Variants in COX8C observed in about 807,000 individuals in gnomAD.
COX8C encodes the protein cytochrome c oxidase subunit 8C, mitochondrial.
Under a neutral mutation model 3.5 loss-of-function variants are expected in COX8C, and 3 were observed. That is an observed-to-expected ratio of 0.86 (90% confidence interval 0.39 to 2.24). COX8C has a LOEUF of 2.24. COX8C is among the 30% of genes most tolerant of loss of function. COX8C has a pLI of 0.05. For synonymous variants in COX8C, 46 were observed against 44.1 expected (o/e 1.04, Z -0.17); for missense variants, 113 against 102.5 (o/e 1.10, Z -0.44).
At chr14:93,347,706 G>A (rs1385853513) in intron 1 of COX8C, among the ~76,000 whole-genome samples, 1 of 152,130 alleles carries the variant, frequency 6.6e-6, no homozygotes, top group Admixed American at 6.6e-5. Flanking sequence ...CTGTGGTTTC[G>A]CGGAGGAATG....
intron 1 of COX8C, among the ~76,000 whole-genome samples, chr14:93,347,679 C>G (rs191598734): frequency 2.0e-5 from 3 of 152,122 alleles, no homozygotes; most frequent in Middle Eastern, 3.4e-3. Flanking sequence ...TTACCGGCAC[C>G]TGGCTCGGGG....
In COX8C at chr14:93,347,264, G is replaced by C. The variant is rs751465395; in HGVS notation, c.-5G>C. On this transcript the variant is annotated 5_prime_UTR_variant, in exon 1 of 2. Transcript: ENST00000342144. The stretch of plus-strand genomic sequence containing the variant: ...CACGCCTGGCTTTGTCTCACCTGAC[G>C]CGATATGCCTCTCCTGCGTGGGCGC... The C allele has an allele frequency of 1.9e-6, 3 of 1,600,634 alleles. No homozygotes were observed. The highest frequency in any genetic ancestry group is 2.6e-6 in the Non-Finnish European group (3 of 1,173,858).
intron 1 of COX8C, 106 bp downstream of exon 1, chr14:93,347,500 G>A: frequency 7.8e-7 from 1 of 1,281,582 alleles, no homozygotes. Flanking sequence ...CCTCGCGTGG[G>A]AGGCTCTTGT....
At chr14:93,347,933 G>A in intron 1 of COX8C, 95 bp from the exon 2 acceptor site, 1 of 747,506 alleles carries the variant, frequency 1.3e-6, no homozygotes, top group Non-Finnish European at 2.4e-6. Context: ...AACGGTCTAG[G>A]TGCTCAAAAT....
chr14:93,348,193 A>G lies in COX8C; in HGVS notation c.*73A>G. The G allele has an allele frequency of 1.1e-6, 1 of 880,030 alleles. No homozygotes were observed. Among genetic ancestry groups the G allele is most frequent in the South Asian group, 1.4e-5 (1 of 73,406 alleles). The allele number at this position is 880,030 out of a possible 1,614,324, so 54.5% of individuals were successfully genotyped here. On this transcript the variant is annotated 3_prime_UTR_variant, in exon 2 of 2. Transcript: ENST00000342144. ...AAAAGCTGTGTTTTTGTTAACGAGC[A>G]AAATTGCCTAGTTGAGTTGATGCAA... is the stretch of plus-strand genomic sequence containing the variant.
In COX8C at chr14:93,348,203, A is replaced by G; in HGVS notation, c.*83A>G. On this transcript the variant is annotated 3_prime_UTR_variant, in exon 2 of 2. Coordinates refer to ENST00000342144, the MANE Select transcript of COX8C (RefSeq NM_182971.3). ...TTTTTGTTAACGAGCAAAATTGCCTAGTTGAGTTGATGCAACCATTGTGGT... is the reference window on the plus strand; with the variant it reads ...TTTTTGTTAACGAGCAAAATTGCCTGGTTGAGTTGATGCAACCATTGTGGT... 1 of 810,164 alleles carries G rather than the reference A, an allele frequency of 1.2e-6. No individual in the cohort carries two copies. The highest frequency in any genetic ancestry group is 2.2e-6 in the Non-Finnish European group (1 of 463,240). 50.2% of individuals were successfully genotyped at this position (810,164 alleles called of 1,614,324 possible).
At position 93,347,206 on chromosome 14, in the gene COX8C, T is replaced by TG; in HGVS notation, c.-62dup. On this transcript the variant is annotated 5_prime_UTR_variant, in exon 1 of 2. Coordinates refer to ENST00000342144, the MANE Select transcript of COX8C (RefSeq NM_182971.3). ...CAGCTGCCTCACGAGCACTGGAGCTTGCGTTACTTGGCCTCACCTCACCTG... is the reference window on the plus strand; with the variant it reads ...CAGCTGCCTCACGAGCACTGGAGCTTGGCGTTACTTGGCCTCACCTCACCTG... 3 of 1,510,474 alleles carry TG rather than the reference T, an allele frequency of 2.0e-6. No individual in the cohort carries two copies. Among genetic ancestry groups the TG allele is most frequent in the Non-Finnish European group, 2.7e-6 (3 of 1,124,228 alleles). 93.6% of individuals were successfully genotyped at this position (1,510,474 alleles called of 1,614,324 possible). A position where few individuals can be genotyped will look rare whatever the true frequency, so the allele number is the denominator to read the frequency against.
chr14:93,347,976 G>A, intron 1 of COX8C, 52 bp from the exon 2 acceptor site: 1 of 1,105,842 alleles, frequency 9.0e-7, no homozygotes, highest in East Asian at 2.4e-5. Context: ...TAGGCAGCAA[G>A]TCACTGGCCT....
At chr14:93,347,895 G>C (rs1405946604) in intron 1 of COX8C, 133 bp from the exon 2 acceptor site, 3 of 577,418 alleles carry the variant, frequency 5.2e-6, no homozygotes, top group East Asian at 5.7e-5. Flanking sequence ...CAGCATTTTA[G>C]ATTTCACTAG....
Position 93,348,141 on chromosome 14 carries a change from G to C in COX8C, c.*21G>C. On this transcript the variant is annotated 3_prime_UTR_variant, in exon 2 of 2. Coordinates refer to ENST00000342144, the MANE Select transcript of COX8C (RefSeq NM_182971.3). ...ATTAGATGGAAGATGATGTTGAACAGCTGTTAACGTCCAAAAAACTTTCAG... is the reference window on the plus strand; with the variant it reads ...ATTAGATGGAAGATGATGTTGAACACCTGTTAACGTCCAAAAAACTTTCAG... 1 of 1,454,960 alleles carries C rather than the reference G, an allele frequency of 6.9e-7. No individual in the cohort carries two copies. The allele number at this position is 1,454,960 out of a possible 1,614,324, so 90.1% of individuals were successfully genotyped here.
intron 1 of COX8C, 96 bp from the exon 2 acceptor site, chr14:93,347,932 G>C (rs2053898354): frequency 2.7e-6 from 2 of 744,906 alleles, no homozygotes; most frequent in South Asian, 3.1e-5. Context: ...CAACGGTCTA[G>C]GTGCTCAAAA....
chr14:93,347,247 G>A lies in COX8C; in HGVS notation c.-22G>A, dbSNP rs199868634. The stretch of plus-strand genomic sequence containing the variant: ...ACCTCACCTGTGCTGTCCACGCCTG[G>A]CTTTGTCTCACCTGACGCGATATGC... On this transcript the variant is annotated 5_prime_UTR_variant, in exon 1 of 2. Coordinates refer to ENST00000342144, the MANE Select transcript of COX8C (RefSeq NM_182971.3). 4.7e-5 allele frequency: 75 copies of A among 1,588,036 alleles called. No homozygotes were observed. The Middle Eastern group carries it at 8.4e-4, about 18-fold the overall frequency.
Position 93,347,361 on chromosome 14 carries a change from G to C in COX8C, c.93G>C (p.Ser31=), listed in dbSNP as rs775364292. ...AGCCCGCTCCCCGCTTCGCCCACTC[G>C]GGGCCCCCGCGCCAGCGGCCCCTGT... ...GLQPAPRFAH[S]GPPRQRPLSA... is the part of the protein sequence containing the mutation. The change falls in exon 1 of 2, where the codon TCG becomes TCC. Residue 31 remains serine, a synonymous_variant. Transcript: ENST00000342144. The C allele has an allele frequency of 1.3e-6, 2 of 1,562,592 alleles. No individual in the cohort carries two copies. Among genetic ancestry groups the C allele is most frequent in the African/African-American group, 2.7e-5 (2 of 73,036 alleles).
At position 93,347,273 on chromosome 14, in the gene COX8C, C is replaced by G. The variant is rs201659311; in HGVS notation, c.5C>G (p.Pro2Arg). The change falls in exon 1 of 2, where the codon CCT (proline) becomes CGT (arginine). Residue 2 changes from proline to arginine, a missense_variant. Physicochemically the swap from Pro to Arg is moderately radical, Grantham distance 103 (BLOSUM62 -2). Coordinates refer to ENST00000342144, the MANE Select transcript of COX8C (RefSeq NM_182971.3). MPLLRGRCPARR... is the reference protein window; with the variant it reads MRLLRGRCPARR... Reference sequence around the variant, plus strand: ...CTTTGTCTCACCTGACGCGATATGCCTCTCCTGCGTGGGCGCTGTCCTGCC... The same window carrying G: ...CTTTGTCTCACCTGACGCGATATGCGTCTCCTGCGTGGGCGCTGTCCTGCC... The G allele has an allele frequency of 2.6e-5, 42 of 1,604,094 alleles. No individual in the cohort carries two copies. The Middle Eastern group carries it at 5.0e-4, about 19-fold the overall frequency.
chr14:93,347,483 G>C, intron 1 of COX8C, 89 bp downstream of exon 1: 2 of 1,339,070 alleles, frequency 1.5e-6, no homozygotes, highest in Non-Finnish European at 1.9e-6. Context: ...AGGACACGGC[G>C]TGCAGGCCTC....
At chr14:93,347,795 G>A (rs1228375860) in intron 1 of COX8C, among the ~76,000 whole-genome samples, 2 of 151,854 alleles carry the variant, frequency 1.3e-5, no homozygotes, top group East Asian at 1.9e-4. Flanking sequence ...GGGCCACATC[G>A]AAGTTCCAGA....
chr14:93,347,541 G>A (rs1226616831), intron 1 of COX8C, 147 bp downstream of exon 1: 1 of 1,029,382 alleles, frequency 9.7e-7, no homozygotes, highest in Non-Finnish European at 1.3e-6. Flanking sequence ...AGGTTCCTGT[G>A]GCTTGGTCGC....
Position 93,348,027 on chromosome 14 carries a change from G to C in COX8C, c.127-1G>C, listed in dbSNP as rs752359205. On this transcript the variant is annotated splice_acceptor_variant, in intron 1 of 1. Coordinates refer to ENST00000342144, the MANE Select transcript of COX8C (RefSeq NM_182971.3). LOFTEE classifies it high-confidence loss of function. The stretch of plus-strand genomic sequence containing the variant: ...GCAGCGCGTGTCATCTTCTCTTCCA[G>C]GAAATGGCTGTTGGACTTGTGGTGT... The C allele has an allele frequency of 4.7e-5, 76 of 1,601,730 alleles. No homozygotes were observed. Among genetic ancestry groups the C allele is most frequent in the Non-Finnish European group, 6.4e-5 (75 of 1,168,820 alleles).
Position 93,347,261 on chromosome 14 carries a change from G to T in COX8C, c.-8G>T. 2 of 1,599,714 alleles carry T rather than the reference G, an allele frequency of 1.3e-6. No homozygotes were observed. Among genetic ancestry groups the T allele is most frequent in the Non-Finnish European group, 8.5e-7 (1 of 1,173,456 alleles). On this transcript the variant is annotated 5_prime_UTR_variant, in exon 1 of 2. Coordinates refer to ENST00000342144, the MANE Select transcript of COX8C (RefSeq NM_182971.3). ...GTCCACGCCTGGCTTTGTCTCACCT[G>T]ACGCGATATGCCTCTCCTGCGTGGG... is the stretch of plus-strand genomic sequence containing the variant.
Sources: gnomAD v4.1 joint callset for allele counts (sites outside exome capture counted in the v4.1 genomes callset) on GRCh38, gnomAD v4.1.1 for gene constraint, MANE v1.5 for transcripts, NCBI Gene and HGNC (gene_info 2026-07-23, HGNC 2026-07-21) for gene names.